Variants in PLCH1 observed in about 807,000 individuals in gnomAD.
The protein encoded by PLCH1 is 1-phosphatidylinositol 4,5-bisphosphate phosphodiesterase eta-1.
In PLCH1, 60 loss-of-function variants were observed where a neutral mutation model predicts 126.7. That is an observed-to-expected ratio of 0.47 (90% CI 0.38 to 0.59). The LOEUF is 0.59. PLCH1 is among the 20% of genes least tolerant of loss of function. The probability of loss-of-function intolerance (pLI) is 0.00; values close to 1 mark genes in which losing one functional copy is unlikely to be tolerated. For synonymous variants in PLCH1, 719 were observed against 734.9 expected (o/e 0.98, Z 0.35); for missense variants, 1,723 against 2,040.0 (o/e 0.84, Z 2.99).
At chr3:155,488,000 T>C (rs766070953) in intron 21 of PLCH1, 28 bp downstream of exon 21, 2 of 1,265,246 alleles carry the variant, frequency 1.6e-6, no homozygotes, top group Admixed American at 3.4e-5. Context: ...TTAATGTATA[T>C]GACTTTAAAT....
intron 10 of PLCH1, among the ~76,000 whole-genome samples, chr3:155,525,094 A>C (rs1331900271): frequency 6.6e-6 from 1 of 152,166 alleles, no homozygotes; most frequent in African/African-American, 2.4e-5. Context: ...CCAAGGCAGG[A>C]GGATTGCTTG....
chr3:155,505,948 A>G (rs536550183), intron 12 of PLCH1, among the ~76,000 whole-genome samples: 1 of 144,066 alleles, frequency 6.9e-6, no homozygotes, highest in African/African-American at 2.6e-5. Flanking sequence ...GTTCCTCTCT[A>G]TTTCTAGTAG....
At chr3:155,560,581 AT>A (rs1481685241) in intron 8 of PLCH1, among the ~76,000 whole-genome samples, 1 of 152,144 alleles carries the variant, frequency 6.6e-6, no homozygotes, top group Non-Finnish European at 1.5e-5. Context: ...ATACCTGCCC[AT>A]TTTTTAAGCA....
At chr3:155,645,850 A>C (rs1348508179) in intron 2 of PLCH1, among the ~76,000 whole-genome samples, 1 of 152,200 alleles carries the variant, frequency 6.6e-6, no homozygotes, top group Admixed American at 6.5e-5. Flanking sequence ...AGGGAATGGG[A>C]TAAGGGCAAA....
intron 11 of PLCH1, among the ~76,000 whole-genome samples, chr3:155,515,522 A>T (rs1419689347): frequency 6.6e-6 from 1 of 152,262 alleles, no homozygotes; most frequent in South Asian, 2.1e-4. Context: ...TACCTCAGCC[A>T]TGATTTGTCA....
chr3:155,547,755 T>C (rs1055001104), intron 10 of PLCH1, among the ~76,000 whole-genome samples: 12 of 150,918 alleles, frequency 8.0e-5, no homozygotes, highest in African/African-American at 4.9e-5. Flanking sequence ...ATGGATGAAA[T>C]TGGAAATCAT....
At chr3:155,642,135 G>A (rs1432062371) in intron 2 of PLCH1, among the ~76,000 whole-genome samples, 1 of 152,180 alleles carries the variant, frequency 6.6e-6, no homozygotes, top group Admixed American at 6.5e-5. Context: ...TATGAGGTAT[G>A]TGCTATTATT....
intron 9 of PLCH1, among the ~76,000 whole-genome samples, chr3:155,550,472 C>T (rs1321414906): frequency 2.0e-5 from 3 of 152,110 alleles, no homozygotes; most frequent in Admixed American, 6.5e-5. Context: ...CATCCTACGT[C>T]GCACATTTCA....
intron 2 of PLCH1, among the ~76,000 whole-genome samples, chr3:155,618,039 G>C (rs1359245921): frequency 1.3e-5 from 2 of 152,174 alleles, no homozygotes; most frequent in African/African-American, 2.4e-5. Flanking sequence ...ATTTGAAAGA[G>C]AGCTTATATG....
rs73874856 is a variant in PLCH1 at position 155,588,506 on chromosome 3, G to A, written c.471-2312C>T. On this transcript the variant is annotated intron_variant, in intron 4 of 22. Coordinates refer to ENST00000460012, the MANE Select transcript of PLCH1 (RefSeq NM_014996.4). ...AAAGAAGTGACAAAAGGAGTCTGAC[G>A]GCAGTAATATTTTTATCCTTTTACT... Among the ~76,000 whole-genome samples, 1,017 of 152,212 alleles carry A rather than the reference G, an allele frequency of 6.7e-3. 12 individuals are homozygous for A. Among genetic ancestry groups the A allele is most frequent in the African/African-American group, 0.023 (953 of 41,516 alleles).
chr3:155,550,160 T>C (rs957290223), intron 9 of PLCH1, among the ~76,000 whole-genome samples: 6 of 152,192 alleles, frequency 3.9e-5, no homozygotes, highest in African/African-American at 1.4e-4. Context: ...TTGCTAAGCA[T>C]AATGGATGAA....
At chr3:155,648,411 C>T (rs979866047) in intron 2 of PLCH1, among the ~76,000 whole-genome samples, 2 of 152,146 alleles carry the variant, frequency 1.3e-5, no homozygotes, top group Non-Finnish European at 2.9e-5. Flanking sequence ...AGTATGTTTA[C>T]GAGCTTCTGG....
At chr3:155,733,934 CATATAT>C (rs35149793) in intron 1 of PLCH1, among the ~76,000 whole-genome samples, 2,162 of 97,680 alleles carry the variant, frequency 0.022, 18 homozygotes, top group Non-Finnish European at 0.028. Flanking sequence ...AACAGGTATA[CATATAT>C]ATATATATAT....
chr3:155,579,088 CA>C (rs1730340753), intron 6 of PLCH1, among the ~76,000 whole-genome samples: 1 of 152,208 alleles, frequency 6.6e-6, no homozygotes, highest in African/African-American at 2.4e-5. Flanking sequence ...AAGAAATACA[CA>C]GGTTTGCCTA....
rs188153502 is a variant in PLCH1 at position 155,635,317 on chromosome 3, A to G, written c.80-38939T>C. The stretch of plus-strand genomic sequence containing the variant: ...GTACTTCTCAAGCCCTGCAGCTTGC[A>G]TCTCCTCCATCTGGACATTTCAGTA... On this transcript the variant is annotated intron_variant, in intron 2 of 22. Coordinates refer to ENST00000460012, the MANE Select transcript of PLCH1 (RefSeq NM_014996.4). Among the ~76,000 whole-genome samples, 275 of 152,202 alleles carry G rather than the reference A, an allele frequency of 1.8e-3. 1 individual carries two copies. Among genetic ancestry groups the G allele is most frequent in the African/African-American group, 6.2e-3 (256 of 41,536 alleles).
At chr3:155,566,965 G>T (rs763043210) in intron 7 of PLCH1, among the ~76,000 whole-genome samples, 1 of 151,976 alleles carries the variant, frequency 6.6e-6, no homozygotes, top group Non-Finnish European at 1.5e-5. Flanking sequence ...ATCTTTTCAG[G>T]CCTCACCAAA....
intron 7 of PLCH1, among the ~76,000 whole-genome samples, chr3:155,566,312 CATATAT>C (rs373954219): frequency 8.1e-5 from 1 of 12,282 alleles, no homozygotes; most frequent in African/African-American, 4.1e-4. Flanking sequence ...CATATATATA[CATATAT>C]ACATATATAT....
At chr3:155,609,022 T>C (rs1734731524) in intron 2 of PLCH1, among the ~76,000 whole-genome samples, 2 of 152,178 alleles carry the variant, frequency 1.3e-5, no homozygotes, top group African/African-American at 2.4e-5. Context: ...TCATGCAACA[T>C]ACTGGCTAAC....
chr3:155,563,158 T>A (rs544910291), intron 8 of PLCH1, among the ~76,000 whole-genome samples: 67 of 152,328 alleles, frequency 4.4e-4, no homozygotes, highest in African/African-American at 1.5e-3. Flanking sequence ...GTTGTATTGC[T>A]GAAGTCCTCA....
Sources: allele counts gnomAD v4.1 joint callset (sites outside exome capture counted in the v4.1 genomes callset), GRCh38; gene constraint gnomAD v4.1.1; transcripts MANE v1.5; gene names NCBI Gene and HGNC (gene_info 2026-07-23, HGNC 2026-07-21).